The following ARHGAP21 variants were observed in gnomAD, a reference collection of about 807,000 sequenced individuals.
The protein encoded by ARHGAP21 is rho GTPase-activating protein 21.
Under a neutral mutation model 164.6 loss-of-function variants are expected in ARHGAP21, and 38 were observed. That is an observed-to-expected ratio of 0.23 (90% CI 0.18 to 0.30). The LOEUF is 0.30. Ranked by LOEUF, ARHGAP21 falls within the 10% of genes least tolerant of loss-of-function variation. The probability of loss-of-function intolerance (pLI) is 1.00; values close to 1 mark genes in which losing one functional copy is unlikely to be tolerated. For synonymous variants in ARHGAP21, 766 were observed against 857.9 expected, an observed-to-expected ratio of 0.89 and a Z score of 1.87; for missense variants, 1,822 against 2,370.7, an observed-to-expected ratio of 0.77 and a Z score of 4.81.
intron 2 of ARHGAP21, among the ~76,000 whole-genome samples, chr10:24,682,264 T>A (rs1841841247): frequency 6.6e-6 from 1 of 152,228 alleles, no homozygotes; most frequent in African/African-American, 2.4e-5. Context: ...CATAAAACTT[T>A]TAGCATATTT....
chr10:24,695,100 A>G (rs1843063000), intron 2 of ARHGAP21, among the ~76,000 whole-genome samples: 1 of 142,470 alleles, frequency 7.0e-6, no homozygotes, highest in Non-Finnish European at 1.5e-5. Flanking sequence ...AAAAAAACGA[A>G]AAGAAAGAAA....
At chr10:24,646,907 CAG>C (rs1434601217) in intron 4 of ARHGAP21, among the ~76,000 whole-genome samples, 1 of 152,142 alleles carries the variant, frequency 6.6e-6, no homozygotes, top group Non-Finnish European at 1.5e-5. Context: ...TACCTAATTA[CAG>C]AGTTACCTCT....
Position 24,607,596 on chromosome 10 carries a change from C to A in ARHGAP21, c.2587G>T (p.Val863Phe). The A allele has an allele frequency of 6.2e-7, 1 of 1,613,970 alleles. No homozygotes were observed. Among genetic ancestry groups the A allele is most frequent in the Non-Finnish European group, 8.5e-7 (1 of 1,179,852 alleles). The change falls in exon 11 of 26, where the codon GTT becomes TTT. Residue 863 changes from valine (V) to phenylalanine (F), a missense_variant. Physicochemically the swap from Val to Phe is conservative, Grantham distance 50. Coordinates refer to ENST00000396432, the MANE Select transcript of ARHGAP21 (RefSeq NM_020824.4). ...TGAGCATCCAGGCTAGGAGGGCCAA[C>A]AGATTCTGTAATTAATTAAAATCCA... ...RRQLSHDHES[V>F]GPPSLDAQPN...
At chr10:24,700,364 C>A (rs1843553850) in intron 2 of ARHGAP21, among the ~76,000 whole-genome samples, 4 of 152,142 alleles carry the variant, frequency 2.6e-5, no homozygotes, top group South Asian at 4.1e-4. Context: ...ACAGCACACC[C>A]ACAACGCTAC....
chr10:24,673,206 C>A (rs2131810336), intron 2 of ARHGAP21, among the ~76,000 whole-genome samples: 1 of 152,308 alleles, frequency 6.6e-6, no homozygotes, highest in East Asian at 1.9e-4. Context: ...CTAAAATCCA[C>A]TTTATAATGC....
At position 24,648,027 on chromosome 10, in the gene ARHGAP21, C is replaced by T. The variant is rs780564350; in HGVS notation, c.269-12924G>A. 3.9e-5 allele frequency among the ~76,000 whole-genome samples: 6 copies of T among 152,136 alleles called. No individual in the cohort carries two copies. In the Middle Eastern group the frequency reaches 0.01, roughly 259 times the overall value. ...CTAATTTTTCTATTTTTAGTAGAGACGAGGGTTTCACTGTGTTGGCCAGAC... is the reference window on the plus strand; with the variant it reads ...CTAATTTTTCTATTTTTAGTAGAGATGAGGGTTTCACTGTGTTGGCCAGAC... On this transcript the variant is annotated intron_variant, in intron 4 of 25. Coordinates refer to ENST00000396432, the MANE Select transcript of ARHGAP21 (RefSeq NM_020824.4).
chr10:24,617,370 C>A (rs1055068053), intron 9 of ARHGAP21, among the ~76,000 whole-genome samples: 1 of 152,000 alleles, frequency 6.6e-6, no homozygotes, highest in Non-Finnish European at 1.5e-5. Flanking sequence ...CTGATAAGAT[C>A]GCATGGGCCT....
chr10:24,651,962 G>T (rs1348939645), intron 4 of ARHGAP21, among the ~76,000 whole-genome samples: 1 of 152,174 alleles, frequency 6.6e-6, no homozygotes, highest in Non-Finnish European at 1.5e-5. Flanking sequence ...AATTAAAATA[G>T]TGTTGTTTTG....
intron 2 of ARHGAP21, among the ~76,000 whole-genome samples, chr10:24,720,112 GA>G (rs2132339991): frequency 6.6e-6 from 1 of 152,108 alleles, no homozygotes; most frequent in South Asian, 2.1e-4. Flanking sequence ...AGGTCCAAAT[GA>G]AAACAAATTT....
chr10:24,668,295 T>C (rs896899006), intron 3 of ARHGAP21, among the ~76,000 whole-genome samples: 3 of 152,242 alleles, frequency 2.0e-5, no homozygotes, highest in African/African-American at 4.8e-5. Flanking sequence ...AATTCCCCAC[T>C]GGGGCCCTGT....
intron 8 of ARHGAP21, 108 bp downstream of exon 8, chr10:24,622,625 A>C: frequency 8.7e-7 from 1 of 1,153,062 alleles, no homozygotes; most frequent in Middle Eastern, 2.4e-4. Flanking sequence ...AACACGATAG[A>C]GGGATTTCTC....
intron 8 of ARHGAP21, among the ~76,000 whole-genome samples, chr10:24,621,734 A>G (rs1369636044): frequency 6.6e-6 from 1 of 152,230 alleles, no homozygotes; most frequent in Admixed American, 6.5e-5. Context: ...AATAAATCCC[A>G]GCAAAGGAAG....
intron 4 of ARHGAP21, among the ~76,000 whole-genome samples, chr10:24,646,025 T>G (rs1371796285): frequency 6.6e-6 from 1 of 152,166 alleles, no homozygotes; most frequent in Non-Finnish European, 1.5e-5. Context: ...GTTTAGTGAG[T>G]GGCTCACAGG....
chr10:24,604,633 A>G (rs2076950661), intron 11 of ARHGAP21, among the ~76,000 whole-genome samples: 1 of 152,180 alleles, frequency 6.6e-6, no homozygotes, highest in Admixed American at 6.5e-5. Context: ...CTCAGGCTGA[A>G]CACTGGGTTT....
At chr10:24,722,820 C>CGCGGCGGGGCTGGGTGGGG (rs1846062945) in intron 1 of ARHGAP21, 1 of 151,846 alleles carries the variant, frequency 6.6e-6, no homozygotes, top group South Asian at 2.1e-4. Flanking sequence ...TTCCTTGGCC[C>CGCGGCGGGGCTGGGTGGGG]GCGGCGGGGC....
chr10:24,690,421 T>C lies in ARHGAP21; in HGVS notation c.64-20024A>G, dbSNP rs116647807. 4.3e-3 allele frequency among the ~76,000 whole-genome samples: 650 copies of C among 152,318 alleles called. 4 individuals are homozygous for C. The highest frequency in any genetic ancestry group is 0.014 in the African/African-American group (591 of 41,558). On this transcript the variant is annotated intron_variant, in intron 2 of 25. Coordinates refer to ENST00000396432, the MANE Select transcript of ARHGAP21 (RefSeq NM_020824.4). ...AGTATTTTTTTCATCTTTGCAAATA[T>C]GTTAAAGATGAAAATGGTTCTTAAT...
At chr10:24,699,427 C>A (rs1365266712) in intron 2 of ARHGAP21, among the ~76,000 whole-genome samples, 6 of 151,892 alleles carry the variant, frequency 4.0e-5, no homozygotes, top group Non-Finnish European at 8.8e-5. Context: ...CAGGTTCAAG[C>A]GATTCTCCTG....
At chr10:24,698,974 G>A (rs1843406358) in intron 2 of ARHGAP21, among the ~76,000 whole-genome samples, 1 of 152,186 alleles carries the variant, frequency 6.6e-6, no homozygotes, top group Admixed American at 6.5e-5. Flanking sequence ...TAACAGAGCA[G>A]AGGAAGAACA....
intron 2 of ARHGAP21, among the ~76,000 whole-genome samples, chr10:24,675,427 G>T (rs1455354920): frequency 6.6e-6 from 1 of 152,148 alleles, no homozygotes; most frequent in African/African-American, 2.4e-5. Context: ...CTGGGTGGGT[G>T]TAAGGGTGGA....
Sources: gnomAD v4.1 joint callset for allele counts (sites outside exome capture counted in the v4.1 genomes callset) on GRCh38, gnomAD v4.1.1 for gene constraint, MANE v1.5 for transcripts, NCBI Gene and HGNC (gene_info 2026-07-23, HGNC 2026-07-21) for gene names.